Variants in ABCA12 observed in about 807,000 individuals in gnomAD.
ABCA12 encodes glucosylceramide transporter ABCA12.
A neutral mutation model predicts 293.5 loss-of-function variants in ABCA12; 156 were observed. That is an observed-to-expected ratio of 0.53 (90% confidence interval 0.47 to 0.61). The LOEUF (loss-of-function observed/expected upper bound fraction) is 0.61, where lower values mean the gene tolerates loss of function less well. Ranked by LOEUF, ABCA12 falls within the 20% of genes least tolerant of loss-of-function variation. The probability of loss-of-function intolerance (pLI) is 0.00; values close to 1 mark genes in which losing one functional copy is unlikely to be tolerated. For missense variants in ABCA12, 2,797 were observed against 3,090.2 expected, an observed-to-expected ratio of 0.91 and a Z score of 2.25; for synonymous variants, 1,063 against 1,108.0, an observed-to-expected ratio of 0.96 and a Z score of 0.81.
chr2:214,963,714 G>A (rs1458874217), intron 39 of ABCA12, among the ~76,000 whole-genome samples: 1 of 150,082 alleles, frequency 6.7e-6, no homozygotes, highest in Non-Finnish European at 1.5e-5. Context: ...AGGAGTTCAA[G>A]ACCAGCCTGC....
rs372165900 is a variant in ABCA12 at position 214,997,782 on chromosome 2, A to T, written c.3207T>A (p.Leu1069=). The change falls in exon 23 of 53, where the codon CTT becomes CTA. Residue 1069 remains leucine (L), a synonymous_variant. Coordinates refer to ENST00000272895, the MANE Select transcript of ABCA12 (RefSeq NM_173076.3). The part of the protein sequence containing the change: ...DNFLTSVSYS[L]PIVLMVAWVV... ...CCCAGGCAACCATAAGCACAATTGG[A>T]AGAGAATAAGAGACACTGGTTAGGA... The T allele has an allele frequency of 1.9e-6, 3 of 1,612,922 alleles. No individual in the cohort carries two copies. The African/African-American group carries it at 4.0e-5, about 22-fold the overall frequency.
At chr2:214,943,244 C>G (rs1279806056) in intron 49 of ABCA12, among the ~76,000 whole-genome samples, 1 of 151,980 alleles carries the variant, frequency 6.6e-6, no homozygotes, top group East Asian at 1.9e-4. Flanking sequence ...CTCTAGTAAT[C>G]CTCCTGTCTC....
At chr2:214,989,150 G>T (rs1404209615) in intron 26 of ABCA12, among the ~76,000 whole-genome samples, 179 bp downstream of exon 26, 1 of 97,700 alleles carries the variant, frequency 1.0e-5, no homozygotes, top group African/African-American at 3.3e-5. Context: ...CTGCACTCCA[G>T]CCTGGGCAAC....
chr2:214,980,999 CTCTT>C (rs374208142), intron 30 of ABCA12, among the ~76,000 whole-genome samples: 143 of 151,402 alleles, frequency 9.4e-4, no homozygotes, highest in Middle Eastern at 3.4e-3. Flanking sequence ...GCAGGAGACT[CTCTT>C]GAACCCGGGA....
chr2:215,136,055 T>C (rs1466438642), intron 1 of ABCA12, among the ~76,000 whole-genome samples: 1 of 152,176 alleles, frequency 6.6e-6, no homozygotes, highest in African/African-American at 2.4e-5. Context: ...TTGTCCCAAA[T>C]TTTGGACTTT....
chr2:215,131,026 C>T (rs1001047283), intron 1 of ABCA12, among the ~76,000 whole-genome samples: 5 of 151,478 alleles, frequency 3.3e-5, no homozygotes, highest in Admixed American at 3.3e-4. Flanking sequence ...GTGCTTAGTT[C>T]TGCTTATGTG....
intron 2 of ABCA12, among the ~76,000 whole-genome samples, chr2:215,087,984 T>C (rs546556018): frequency 1.3e-5 from 2 of 152,286 alleles, no homozygotes; most frequent in Non-Finnish European, 2.9e-5. Context: ...AGCATTTCCT[T>C]CAGCTCATTG....
Position 214,974,785 on chromosome 2 carries a change from T to C in ABCA12, c.5461A>G (p.Ser1821Gly). Reference protein sequence around the residue: ...PGIDNMCLNTSDLQCLNKDSL... With the variant: ...PGIDNMCLNTGDLQCLNKDSL... ...AGAGCAAGAACCACTTACAGATCACTGGTGTTCAGACACATGTTGTCAATT... is the reference window on the plus strand; with the variant it reads ...AGAGCAAGAACCACTTACAGATCACCGGTGTTCAGACACATGTTGTCAATT... Residue 1821 changes from serine (S) to glycine (G), a missense_variant, in exon 35 of 53, where the codon AGT becomes GGT. By Grantham distance (56) the Ser-to-Gly change is moderately conservative. Coordinates refer to ENST00000272895, the MANE Select transcript of ABCA12 (RefSeq NM_173076.3). 1 of 1,614,012 alleles carries C rather than the reference T, an allele frequency of 6.2e-7. No homozygotes were observed. Among genetic ancestry groups the C allele is most frequent in the Non-Finnish European group, 8.5e-7 (1 of 1,179,914 alleles).
chr2:215,116,356 T>G (rs1424240914), intron 1 of ABCA12, among the ~76,000 whole-genome samples: 3 of 152,170 alleles, frequency 2.0e-5, no homozygotes, highest in East Asian at 3.9e-4. Context: ...TCGACATAGC[T>G]AAAGATGATA....
chr2:215,138,265 GAACTGATGCCCCGTCCAACTTGCT>G lies in ABCA12; in HGVS notation c.-81_-58del. On this transcript the variant is annotated 5_prime_UTR_variant, in exon 1 of 53. Transcript: ENST00000272895. ...TTCTTTTCTCCACTCCACAAATGAA[GAACTGATGCCCCGTCCAACTTGCT>G]GTATGTCAGTGTATCAGTACCCCTT... 1 of 1,576,186 alleles carries G rather than the reference GAACTGATGCCCCGTCCAACTTGCT, an allele frequency of 6.3e-7. No individual in the cohort carries two copies. Among genetic ancestry groups the G allele is most frequent in the Non-Finnish European group, 8.7e-7 (1 of 1,145,648 alleles).
chr2:215,131,388 T>A (rs912662258), intron 1 of ABCA12, among the ~76,000 whole-genome samples: 1 of 151,980 alleles, frequency 6.6e-6, no homozygotes, highest in Admixed American at 6.6e-5. Flanking sequence ...CGGGAGATTT[T>A]TTTTATTATT....
chr2:215,031,946 G>A lies in ABCA12; in HGVS notation c.986-50C>T, dbSNP rs372559713. On this transcript the variant is annotated intron_variant, in intron 8 of 52. Transcript: ENST00000272895. Reference sequence around the variant, plus strand: ...TAAACATTTAACATGTTTGCTTAAAGATTTTTTTCCTCAGTGAAAACCATC... The same window carrying A: ...TAAACATTTAACATGTTTGCTTAAAAATTTTTTTCCTCAGTGAAAACCATC... 25 of 1,610,062 alleles carry A rather than the reference G, an allele frequency of 1.6e-5. No individual in the cohort carries two copies. The Admixed American group carries it at 1.7e-4, about 11-fold the overall frequency.
At position 215,049,651 on chromosome 2, in the gene ABCA12, T is replaced by C; in HGVS notation, c.668A>G (p.Gln223Arg). 6.2e-7 allele frequency: 1 copy of C among 1,613,480 alleles called. No individual in the cohort carries two copies. Among genetic ancestry groups the C allele is most frequent in the Non-Finnish European group, 8.5e-7 (1 of 1,179,626 alleles). The change falls in exon 6 of 53, where the codon CAA (glutamine) becomes CGA (arginine). Residue 223 changes from glutamine to arginine, a missense_variant. Around this residue, in one of 3 missense-constraint regions of ABCA12, gnomAD observed 656 missense variants for 638.2 expected, o/e 1.03. Coordinates refer to ENST00000272895, the MANE Select transcript of ABCA12 (RefSeq NM_173076.3). ...SNMTLLESSLQELNKQFSQLS... is the reference protein window; with the variant it reads ...SNMTLLESSLRELNKQFSQLS... ...CTGGGAGAACTGTTTGTTTAGTTCT[T>C]GGAGAGAAGACTCTAAAAGGGTCAT...
intron 5 of ABCA12, chr2:215,050,874 T>A: frequency 1.1e-6 from 1 of 937,018 alleles, no homozygotes; most frequent in Non-Finnish European, 1.3e-6. Flanking sequence ...GAGAGATTGC[T>A]GACATAGGCA....
chr2:214,995,484 A>C (rs879324434), intron 23 of ABCA12, among the ~76,000 whole-genome samples: 51 of 152,202 alleles, frequency 3.4e-4, no homozygotes, highest in Non-Finnish European at 5.3e-4. Context: ...GATCTGGAAG[A>C]GGATTGGTTG....
chr2:214,961,192 G>T (rs1229601692), intron 39 of ABCA12, among the ~76,000 whole-genome samples: 1 of 151,992 alleles, frequency 6.6e-6, no homozygotes, highest in African/African-American at 2.4e-5. Context: ...GAAAGAGATC[G>T]AGTTCCTTCC....
At chr2:214,996,298 TTTA>T (rs1288046495) in intron 23 of ABCA12, among the ~76,000 whole-genome samples, 1 of 152,214 alleles carries the variant, frequency 6.6e-6, no homozygotes, top group African/African-American at 2.4e-5. Context: ...TACACACAGT[TTTA>T]TTATATGCAT....
intron 2 of ABCA12, among the ~76,000 whole-genome samples, chr2:215,084,801 C>G (rs1702006895): frequency 6.6e-6 from 1 of 151,958 alleles, no homozygotes; most frequent in African/African-American, 2.4e-5. Flanking sequence ...CTCAAAAAAC[C>G]ACTGTTGAAG....
At position 215,015,557 on chromosome 2, in the gene ABCA12, G is replaced by C. The variant is rs1478187123; in HGVS notation, c.1889C>G (p.Ser630Cys). The C allele has an allele frequency of 1.2e-6, 2 of 1,614,104 alleles. No individual in the cohort carries two copies. The highest frequency in any genetic ancestry group is 1.7e-5 in the Admixed American group (1 of 60,028). Residue 630 changes from serine to cysteine, a missense_variant, in exon 15 of 53, where the codon TCC (serine) becomes TGC (cysteine). Ser to Cys is a moderately radical substitution (Grantham distance 112, BLOSUM62 -1). Transcript: ENST00000272895. ...EFCNLSLSER[S>C]RQSYLIGLTL... Reference sequence around the variant, plus strand: ...GAGTCCGATGAGGTAAGACTGCCGGGATCTCTCTGAAAGAGACAGGTTGCA... The same window carrying C: ...GAGTCCGATGAGGTAAGACTGCCGGCATCTCTCTGAAAGAGACAGGTTGCA...
Sources: allele counts gnomAD v4.1 joint callset (sites outside exome capture counted in the v4.1 genomes callset), GRCh38; gene constraint gnomAD v4.1.1; regional missense constraint gnomAD v4.1.1; transcripts MANE v1.5; gene names NCBI Gene and HGNC (gene_info 2026-07-23, HGNC 2026-07-21).